The following PLEKHG4B variants were observed in gnomAD, a reference collection of about 807,000 sequenced individuals.
PLEKHG4B encodes pleckstrin homology and RhoGEF domain containing G4B.
Under a neutral mutation model 121.3 loss-of-function variants are expected in PLEKHG4B, and 111 were observed. The ratio of observed to expected loss-of-function variants is 0.92; its 90% CI spans 0.78 to 1.07. The LOEUF (loss-of-function observed/expected upper bound fraction) is 1.07, where lower values mean the gene tolerates loss of function less well. Among genes scored for constraint, PLEKHG4B ranks in the 50% least tolerant of loss-of-function variants. The pLI is 0.00. For synonymous variants in PLEKHG4B, 738 were observed against 725.0 expected (o/e 1.02, Z -0.29); for missense variants, 1,831 against 1,757.8 (o/e 1.04, Z -0.74).
chr5:177,703 G>C (rs916249161), intron 18 of PLEKHG4B, among the ~76,000 whole-genome samples: 1 of 152,240 alleles, frequency 6.6e-6, no homozygotes, highest in Admixed American at 6.5e-5. Flanking sequence ...AGACCCAAGC[G>C]GGCACCGAGA....
Position 157,916 on chromosome 5 carries a change from G to GCC in PLEKHG4B, c.2487+1007_2487+1008dup, listed in dbSNP as rs909092754. ...CCCCGGCCTTCAGGTCCATGCGCGT[G>GCC]CCCTCACGGGGGCCTCCAGACAAAG... is the stretch of plus-strand genomic sequence containing the variant. On this transcript the variant is annotated intron_variant, in intron 11 of 19. Coordinates refer to ENST00000637938, the MANE Select transcript of PLEKHG4B (RefSeq NM_052909.5). The surrounding 1 kb of genome is among the most constrained non-coding windows in gnomAD (Gnocchi z 4.6). 6.6e-6 allele frequency among the ~76,000 whole-genome samples: 1 copy of GCC among 152,172 alleles called. No homozygotes were observed. Among genetic ancestry groups the GCC allele is most frequent in the Non-Finnish European group, 1.5e-5 (1 of 68,020 alleles).
At chr5:107,473 A>G (rs1294991238) in intron 1 of PLEKHG4B, among the ~76,000 whole-genome samples, 1 of 152,194 alleles carries the variant, frequency 6.6e-6, no homozygotes, top group Non-Finnish European at 1.5e-5. Context: ...GCTAGGCCTG[A>G]AGGTTCACCT....
intron 2 of PLEKHG4B, among the ~76,000 whole-genome samples, chr5:116,287 T>C (rs1019509262): frequency 2.0e-5 from 3 of 152,244 alleles, no homozygotes; most frequent in Non-Finnish European, 4.4e-5. Context: ...TGCTGTCTTA[T>C]ATTGGCATGG....
chr5:138,280 T>C (rs547100318), intron 2 of PLEKHG4B, among the ~76,000 whole-genome samples: 1 of 152,330 alleles, frequency 6.6e-6, no homozygotes, highest in East Asian at 1.9e-4. Context: ...AAGTCAAATT[T>C]GCCATATCAA....
intron 3 of PLEKHG4B, among the ~76,000 whole-genome samples, chr5:142,360 C>T (rs185383003): frequency 3.3e-5 from 5 of 151,654 alleles, no homozygotes; most frequent in East Asian, 1.9e-4. Context: ...ATCACATGCT[C>T]GAGTTCCACA....
chr5:162,211 C>G lies in PLEKHG4B; in HGVS notation c.2649+267C>G, dbSNP rs139346011. On this transcript the variant is annotated intron_variant, in intron 12 of 19. Transcript: ENST00000637938. The stretch of plus-strand genomic sequence containing the variant: ...TGTTTACTGGCTCAGTTAGAAAATT[C>G]CACTGATTGCCCAAAACCCTAAACA... Among the ~76,000 whole-genome samples the G allele has an allele frequency of 6.6e-3, 1,006 of 152,360 alleles. 15 individuals carry two copies. The highest frequency in any genetic ancestry group is 0.023 in the African/African-American group (957 of 41,586).
Position 140,069 on chromosome 5 carries a change from C to T in PLEKHG4B, c.830C>T (p.Pro277Leu). ...CCAGAAAGAGCCGAGCTGGGAAGCC[C>T]CAGGACCCTGTCTGGAAGCTCAGAC... The part of the protein sequence containing the change: ...PYPERAELGS[P>L]RTLSGSSDRD... The change falls in exon 3 of 20, where the codon CCC becomes CTC. Residue 277 changes from proline to leucine, a missense_variant. Physicochemically the swap from Pro to Leu is moderately conservative, Grantham distance 98. Coordinates refer to ENST00000637938, the MANE Select transcript of PLEKHG4B (RefSeq NM_052909.5). 1 of 467,272 alleles carries T rather than the reference C, an allele frequency of 2.1e-6. No individual in the cohort carries two copies. The highest frequency in any genetic ancestry group is 3.7e-6 in the Non-Finnish European group (1 of 267,486). The allele number at this position is 467,272 out of a possible 1,614,324, so 28.9% of individuals were successfully genotyped here. A position where few individuals can be genotyped will look rare whatever the true frequency, so the allele number is the denominator to read the frequency against.
intron 18 of PLEKHG4B, among the ~76,000 whole-genome samples, chr5:180,238 G>A (rs1201277336): frequency 2.0e-5 from 3 of 152,156 alleles, no homozygotes; most frequent in Non-Finnish European, 2.9e-5. Flanking sequence ...TCATCTGAAT[G>A]CACTCCGGGG....
At chr5:135,679 AAAAATATATAT>A (rs1231879859) in intron 2 of PLEKHG4B, among the ~76,000 whole-genome samples, 97 of 57,040 alleles carry the variant, frequency 1.7e-3, no homozygotes, top group South Asian at 2.2e-3. Flanking sequence ...AAAAAAAAAA[AAAAATATATAT>A]ATATATATAT....
chr5:130,379 A>G (rs560442535), intron 2 of PLEKHG4B, among the ~76,000 whole-genome samples: 5 of 152,370 alleles, frequency 3.3e-5, no homozygotes, highest in African/African-American at 1.2e-4. Flanking sequence ...AATGTTAATA[A>G]CTAATATTAA....
rs1292159443 is a variant in PLEKHG4B, at chr5:183,991, C to CGATCGATATAGATA, written c.*1671_*1672insCGATATAGATAGAT. The CGATCGATATAGATA allele has an allele frequency of 9.6e-6, 1 of 104,614 alleles. No homozygotes were observed. The highest frequency in any genetic ancestry group is 2.9e-5 in the African/African-American group (1 of 34,128). The allele number at this position is 104,614 out of a possible 1,614,324, so 6.5% of individuals were successfully genotyped here. A position where few individuals can be genotyped will look rare whatever the true frequency, so the allele number is the denominator to read the frequency against. ...CAGACAGATAGATAGATAGATAGAT[C>CGATCGATATAGATA]GATAGATAGATAGATAGATAGATAG... On this transcript the variant is annotated 3_prime_UTR_variant, in exon 20 of 20. Transcript: ENST00000637938.
rs934299037 is a variant in PLEKHG4B at position 131,748 on chromosome 5, T to C, written c.244-7735T>C. Among the ~76,000 whole-genome samples, 6 of 152,332 alleles carry C rather than the reference T, an allele frequency of 3.9e-5. No homozygotes were observed. In the East Asian group the frequency reaches 7.7e-4, roughly 20 times the overall value. ...CCCACCAACAGTGTAAAAGTGTTCC[T>C]ATTTCTCCACATCTTCTCCAGCACC... On this transcript the variant is annotated intron_variant, in intron 2 of 19. Coordinates refer to ENST00000637938, the MANE Select transcript of PLEKHG4B (RefSeq NM_052909.5).
At chr5:108,404 C>G (rs181485348) in intron 1 of PLEKHG4B, among the ~76,000 whole-genome samples, 1 of 152,202 alleles carries the variant, frequency 6.6e-6, no homozygotes, top group East Asian at 1.9e-4. Context: ...GCATCTCCAG[C>G]GGAGAGGGTC....
chr5:160,203 G>A (rs1027811588), intron 11 of PLEKHG4B, among the ~76,000 whole-genome samples: 1 of 152,212 alleles, frequency 6.6e-6, no homozygotes, highest in East Asian at 1.9e-4. Context: ...GTGGGCATGC[G>A]CTGCAAGCTC....
In PLEKHG4B at chr5:140,389, G is replaced by A. The variant is rs1438800063; in HGVS notation, c.1150G>A (p.Ala384Thr). 6.4e-7 allele frequency: 1 copy of A among 1,552,652 alleles called. No homozygotes were observed. The highest frequency in any genetic ancestry group is 2.4e-5 in the East Asian group (1 of 41,536). ...GDLACSSLTG[A>T]SRDLGTGAVA... ...CCTGGCCTGCAGCTCCCTGACTGGA[G>A]CCAGCAGGGACCTGGGGACTGGGGC... is the stretch of plus-strand genomic sequence containing the variant. Residue 384 changes from alanine to threonine, a missense_variant, in exon 3 of 20, where the codon GCC becomes ACC. Coordinates refer to ENST00000637938, the MANE Select transcript of PLEKHG4B (RefSeq NM_052909.5).
chr5:174,170 T>A, intron 18 of PLEKHG4B, 72 bp downstream of exon 18: 1 of 378,732 alleles, frequency 2.6e-6, no homozygotes, highest in East Asian at 1.6e-4. Context: ...GGGCTGGGAC[T>A]GGGGTGAGAG....
chr5:133,234 T>C (rs1234444984), intron 2 of PLEKHG4B, among the ~76,000 whole-genome samples: 31 of 152,176 alleles, frequency 2.0e-4, no homozygotes, highest in Non-Finnish European at 1.5e-5. Flanking sequence ...TTGTGTACAT[T>C]AATTTTGTGT....
At chr5:138,082 C>T (rs1377680659) in intron 2 of PLEKHG4B, among the ~76,000 whole-genome samples, 1 of 152,120 alleles carries the variant, frequency 6.6e-6, no homozygotes, top group Non-Finnish European at 1.5e-5. Context: ...CAGGGCCCAC[C>T]CTGACGTCAG....
At chr5:178,196 TTAAC>T (rs1439767356) in intron 18 of PLEKHG4B, among the ~76,000 whole-genome samples, 1 of 152,208 alleles carries the variant, frequency 6.6e-6, no homozygotes, top group Non-Finnish European at 1.5e-5. Context: ...CTGCCTTCAA[TTAAC>T]ACTTTAGTGC....
Sources: gnomAD v4.1 joint callset for allele counts (sites outside exome capture counted in the v4.1 genomes callset) on GRCh38, gnomAD v4.1.1 for gene constraint, Gnocchi (gnomAD v3.1) non-coding constraint, MANE v1.5 for transcripts, NCBI Gene and HGNC (gene_info 2026-07-23, HGNC 2026-07-21) for gene names.